Variants in IFI35 observed in about 807,000 individuals in gnomAD.
IFI35 encodes the protein interferon induced protein 35.
A neutral mutation model predicts 28.6 loss-of-function variants in IFI35; 30 were observed. The observed-to-expected ratio is 1.05, with a 90% confidence interval of 0.79 to 1.43. The LOEUF (loss-of-function observed/expected upper bound fraction) is 1.43. IFI35 is among the 40% of genes most tolerant of loss of function. The probability of loss-of-function intolerance (pLI) is 0.00; values close to 1 mark genes in which losing one functional copy is unlikely to be tolerated. For missense variants in IFI35, 372 were observed against 356.9 expected (o/e 1.04, Z -0.34); for synonymous variants, 146 against 154.8 (o/e 0.94, Z 0.42).
chr17:43,006,989 T>C (rs1199042581), intron 1 of IFI35, 21 bp downstream of exon 1: 2 of 1,613,254 alleles, frequency 1.2e-6, no homozygotes, highest in East Asian at 2.2e-5. Context: ...AGGAGGGAGT[T>C]GGGAAGTGGG....
In IFI35 at chr17:43,014,321, C is replaced by T. The variant is rs1382355336; in HGVS notation, c.*22C>T. ...CTAGGGGCCTCCCCTTCTCATCCTCCCCACCCCCCCGCCAAGGTTCTCACA... is the reference window on the plus strand; with the variant it reads ...CTAGGGGCCTCCCCTTCTCATCCTCTCCACCCCCCCGCCAAGGTTCTCACA... On this transcript the variant is annotated 3_prime_UTR_variant, in exon 7 of 7. Transcript: ENST00000415816. 7.3e-6 allele frequency: 11 copies of T among 1,499,942 alleles called. No homozygotes were observed. The highest frequency in any genetic ancestry group is 9.8e-6 in the Non-Finnish European group (11 of 1,120,236). 92.9% of individuals were successfully genotyped at this position (1,499,942 alleles called of 1,614,324 possible).
rs751199867 is a variant in IFI35, at chr17:43,014,218, C to CG, written c.785dup (p.Gly263ArgfsTer22). On this transcript the variant is annotated frameshift_variant, in exon 7 of 7. Transcript: ENST00000415816. LOFTEE classifies it high-confidence loss of function. ...AGATCCACTTCCAGAAGCCCACCCG[C>CG]GGGGGCGGGGAGGTAGAGGCCCTGA... 1.9e-6 allele frequency: 3 copies of CG among 1,612,664 alleles called. No individual in the cohort carries two copies. The highest frequency in any genetic ancestry group is 1.7e-5 in the Admixed American group (1 of 59,900).
chr17:43,010,088 T>G lies in IFI35; in HGVS notation c.22-2091T>G, dbSNP rs138462444. Among the ~76,000 whole-genome samples, 518 of 151,568 alleles carry G rather than the reference T, an allele frequency of 3.4e-3. 2 individuals carry two copies. The highest frequency in any genetic ancestry group is 0.012 in the African/African-American group (490 of 41,306). On this transcript the variant is annotated intron_variant, in intron 1 of 6. Transcript: ENST00000415816. ...GTCTCTACTAAAAATACAAAAAAAT[T>G]AGCCAGGCGTGGTGGCGGGCACCTG... is the stretch of plus-strand genomic sequence containing the variant.
Position 43,006,822 on chromosome 17 carries a change from G to A in IFI35, c.-126G>A. ...AGCAGAGCCTCCTGAGGTGTATTTCGGGTCTTGCTGGGGCTGAGAGAGACC... is the reference window on the plus strand; with the variant it reads ...AGCAGAGCCTCCTGAGGTGTATTTCAGGTCTTGCTGGGGCTGAGAGAGACC... On this transcript the variant is annotated 5_prime_UTR_variant, in exon 1 of 7. Coordinates refer to ENST00000415816, the MANE Select transcript of IFI35 (RefSeq NM_001330230.2). 6 of 941,392 alleles carry A rather than the reference G, an allele frequency of 6.4e-6. No homozygotes were observed. The highest frequency in any genetic ancestry group is 2.4e-5 in the East Asian group (1 of 40,998). 58.3% of individuals were successfully genotyped at this position (941,392 alleles called of 1,614,324 possible). A position where few individuals can be genotyped will look rare whatever the true frequency, so the allele number is the denominator to read the frequency against.
rs146311145 is a variant in IFI35 at position 43,013,785 on chromosome 17, G to A, written c.572G>A (p.Arg191His). Residue 191 changes from arginine to histidine, a missense_variant, in exon 6 of 7, where the codon CGT becomes CAT. Physicochemically the swap from Arg to His is conservative, Grantham distance 29. Transcript: ENST00000415816. ...LGFARDGVAQ[R>H]LCQIGQFTVP... ...TCCTTGCTCCCCACAGTGGCTCAGC[G>A]TCTGTGCCAAATCGGCCAGTTCACA... 11,289 of 1,613,190 alleles carry A rather than the reference G, an allele frequency of 7.0e-3. 73 individuals are homozygous for A. Among genetic ancestry groups the A allele is most frequent in the Middle Eastern group, 0.024 (147 of 6,056 alleles).
intron 2 of IFI35, chr17:43,012,660 G>C: frequency 4.2e-6 from 1 of 240,814 alleles, no homozygotes; most frequent in Non-Finnish European, 8.1e-6. Context: ...GCTTGAACCT[G>C]GGAAGTGGAG....
rs1375752219 is a variant in IFI35 at position 43,007,847 on chromosome 17, T to TTTTATATATATA, written c.21+880_21+881insTTATATATATAT. Among the ~76,000 whole-genome samples, 445 of 118,910 alleles carry TTTTATATATATA rather than the reference T, an allele frequency of 3.7e-3. 5 individuals carry two copies. Among genetic ancestry groups the TTTTATATATATA allele is most frequent in the Middle Eastern group, 0.016 (4 of 246 alleles). 78.0% of individuals were successfully genotyped at this position (118,910 alleles called of 152,430 possible). ...TCTCACACACACACACACACAAAAT[T>TTTTATATATATA]TATATATATATATATATATATATAT... is the stretch of plus-strand genomic sequence containing the variant. On this transcript the variant is annotated intron_variant, in intron 1 of 6. Coordinates refer to ENST00000415816, the MANE Select transcript of IFI35 (RefSeq NM_001330230.2).
Position 43,006,985 on chromosome 17 carries a change from G to T in IFI35, c.21+17G>T. On this transcript the variant is annotated intron_variant, in intron 1 of 6. Coordinates refer to ENST00000415816, the MANE Select transcript of IFI35 (RefSeq NM_001330230.2). ...CTGGATGCCGTAAGTGAGGAGGAGG[G>T]AGTTGGGAAGTGGGGAAACAGGAGT... 3 of 1,613,752 alleles carry T rather than the reference G, an allele frequency of 1.9e-6. No individual in the cohort carries two copies. Among genetic ancestry groups the T allele is most frequent in the Non-Finnish European group, 2.5e-6 (3 of 1,179,676 alleles).
chr17:43,011,430 A>C (rs1475612927), intron 1 of IFI35, among the ~76,000 whole-genome samples: 1 of 151,926 alleles, frequency 6.6e-6, no homozygotes, highest in Non-Finnish European at 1.5e-5. Flanking sequence ...GAGGCAGGAG[A>C]ATTACTTGAT....
rs367701448 is a variant in IFI35 at position 43,012,236 on chromosome 17, C to T, written c.79C>T (p.Gln27Ter). ...ACTCAAGATGAGGCTGTGGGACCTG[C>T]AGCAGCTGAGAAAGGAGCTCGGGGA... Reference protein sequence around the residue: ...ARLKMRLWDLQQLRKELGDSP... With the variant: ...ARLKMRLWDL The change falls in exon 2 of 7, where the codon CAG becomes TAG. Residue 27 changes from glutamine (Q) to a stop codon, truncating the protein, a stop_gained. Coordinates refer to ENST00000415816, the MANE Select transcript of IFI35 (RefSeq NM_001330230.2). LOFTEE classifies it high-confidence loss of function. 70 of 1,578,802 alleles carry T rather than the reference C, an allele frequency of 4.4e-5. No individual in the cohort carries two copies. The highest frequency in any genetic ancestry group is 5.9e-5 in the Non-Finnish European group (69 of 1,162,054).
rs749793808 is a variant in IFI35 at position 43,012,312 on chromosome 17, C to CGAGCT, written c.120+37_120+41dup. On this transcript the variant is annotated intron_variant, in intron 2 of 6. Coordinates refer to ENST00000415816, the MANE Select transcript of IFI35 (RefSeq NM_001330230.2). The stretch of plus-strand genomic sequence containing the variant: ...GAGATCTGGTGTTGTTTGGTAAAAA[C>CGAGCT]GAGCTGGCGAGGCCGGGTGCGGTGG... 15 of 1,501,810 alleles carry CGAGCT rather than the reference C, an allele frequency of 1.0e-5. No homozygotes were observed. The East Asian group carries it at 3.7e-4, about 37-fold the overall frequency. The allele number at this position is 1,501,810 out of a possible 1,614,324, so 93.0% of individuals were successfully genotyped here.
At chr17:43,010,245 A>AG (rs1347121179) in intron 1 of IFI35, among the ~76,000 whole-genome samples, 3 of 150,166 alleles carry the variant, frequency 2.0e-5, no homozygotes, top group Non-Finnish European at 4.4e-5. Flanking sequence ...AAAAAGAAGA[A>AG]AAAAAAAAAA....
rs1420394960 is a variant in IFI35, at chr17:43,013,109, A to G, written c.183A>G (p.Glu61=). ...VFRGHTQQDP[E]VPKSLVSNLR... Reference sequence around the variant, plus strand: ...GAGGACACACCCAGCAGGACCCGGAAGTGCCTAAGTCTTTAGTTTCCAATT... The same window carrying G: ...GAGGACACACCCAGCAGGACCCGGAGGTGCCTAAGTCTTTAGTTTCCAATT... Residue 61 remains glutamate (E), a synonymous_variant, in exon 3 of 7, where the codon GAA becomes GAG. Transcript: ENST00000415816. 1 of 1,614,078 alleles carries G rather than the reference A, an allele frequency of 6.2e-7. No individual in the cohort carries two copies. The highest frequency in any genetic ancestry group is 1.3e-5 in the African/African-American group (1 of 75,006).
At chr17:43,012,365 T>G (rs530192958) in intron 2 of IFI35, 88 bp downstream of exon 2, 31 of 885,992 alleles carry the variant, frequency 3.5e-5, no homozygotes, top group South Asian at 6.4e-5. Context: ...AGCACTTTGG[T>G]AGGCCAAGGG....
intron 1 of IFI35, among the ~76,000 whole-genome samples, chr17:43,009,671 T>G (rs2050439818): frequency 6.6e-6 from 1 of 152,004 alleles, no homozygotes; most frequent in Admixed American, 6.6e-5. Flanking sequence ...GAGAATCGCT[T>G]GAACCCGGGA....
intron 5 of IFI35, 35 bp downstream of exon 5, chr17:43,013,697 G>T: frequency 1.2e-6 from 2 of 1,611,394 alleles, no homozygotes; most frequent in Non-Finnish European, 1.7e-6. Flanking sequence ...AGGGGAGAGG[G>T]TATAGGGTGT....
chr17:43,009,776 A>T (rs910231934), intron 1 of IFI35, among the ~76,000 whole-genome samples: 3 of 150,970 alleles, frequency 2.0e-5, no homozygotes, highest in Non-Finnish European at 3.0e-5. Flanking sequence ...AATAAAAAAT[A>T]AAAAAAATTA....
chr17:43,006,957 C>T lies in IFI35; in HGVS notation c.10C>T (p.Pro4Ser). The T allele has an allele frequency of 1.2e-6, 2 of 1,614,036 alleles. No homozygotes were observed. The highest frequency in any genetic ancestry group is 1.7e-6 in the Non-Finnish European group (2 of 1,179,934). The change falls in exon 1 of 7, where the codon CCA becomes TCA. Residue 4 changes from proline to serine, a missense_variant. Coordinates refer to ENST00000415816, the MANE Select transcript of IFI35 (RefSeq NM_001330230.2). The part of the protein sequence containing the change: MSA[P>S]LDAALHALQE... ...AACAGACCCGAGACCCATGTCAGCC[C>T]CACTGGATGCCGTAAGTGAGGAGGA... is the stretch of plus-strand genomic sequence containing the variant.
At chr17:43,012,348 T>A in intron 2 of IFI35, 71 bp downstream of exon 2, 2 of 1,122,020 alleles carry the variant, frequency 1.8e-6, no homozygotes, top group Non-Finnish European at 2.6e-6. Context: ...CTCACACCTG[T>A]AAACCCAGCA....
Sources: allele counts gnomAD v4.1 joint callset (sites outside exome capture counted in the v4.1 genomes callset), GRCh38; gene constraint gnomAD v4.1.1; transcripts MANE v1.5; gene names NCBI Gene and HGNC (gene_info 2026-07-23, HGNC 2026-07-21).